Variants in RNF44 observed in about 807,000 individuals in gnomAD.
RNF44 encodes the protein ring finger protein 44.
RNF44 carries 25 observed loss-of-function variants against 53.6 expected under a neutral mutation model. That is an observed-to-expected ratio of 0.47 (90% CI 0.34 to 0.65). The LOEUF is 0.65. Among genes scored for constraint, RNF44 ranks in the 30% least tolerant of loss-of-function variants. RNF44 has a pLI of 0.01. For missense variants in RNF44, 581 were observed against 595.5 expected, an observed-to-expected ratio of 0.98 and a Z score of 0.25; for synonymous variants, 282 against 252.2, an observed-to-expected ratio of 1.12 and a Z score of -1.12.
At position 176,529,712 on chromosome 5, in the gene RNF44, G is replaced by C. The variant is rs1561843390; in HGVS notation, c.1014+19C>G. 6.2e-7 allele frequency: 1 copy of C among 1,610,748 alleles called. No homozygotes were observed. Among genetic ancestry groups the C allele is most frequent in the Non-Finnish European group, 8.5e-7 (1 of 1,178,364 alleles). ...CAGGTCTCCCAAACCCCACCTCCCA[G>C]CATGGGGCTCCATGGGACCTCATAG... On this transcript the variant is annotated intron_variant, in intron 8 of 10. Transcript: ENST00000274811.
Position 176,531,004 on chromosome 5 carries a change from G to A in RNF44, c.483C>T (p.Thr161=), listed in dbSNP as rs1756609991. The change falls in exon 5 of 11, where the codon ACC becomes ACT. Residue 161 remains threonine, a synonymous_variant. Transcript: ENST00000274811. The surrounding 1 kb of genome is among the most constrained non-coding windows in gnomAD (Gnocchi z 4.2). The part of the protein sequence containing the change: ...CLPPPLIQAC[T]MQQLPVPYQA... Reference sequence around the variant, plus strand: ...GATAGGGCACAGGCAGCTGCTGCATGGTGCACGCCTGGATAAGCTGCCAAG... The same window carrying A: ...GATAGGGCACAGGCAGCTGCTGCATAGTGCACGCCTGGATAAGCTGCCAAG... 1.4e-6 allele frequency: 2 copies of A among 1,446,480 alleles called. No homozygotes were observed. Among genetic ancestry groups the A allele is most frequent in the Admixed American group, 5.5e-5 (2 of 36,552 alleles). 89.6% of individuals were successfully genotyped at this position (1,446,480 alleles called of 1,614,324 possible).
At chr5:176,537,516 C>T (rs1313990185), upstream of RNF44, 1 of 152,206 alleles carries the variant, frequency 6.6e-6, no homozygotes, top group East Asian at 1.9e-4. Context: ...CTCCTCGCCC[C>T]CACCTTCGCA....
chr5:176,533,380 C>A (rs894458477), intron 1 of RNF44, among the ~76,000 whole-genome samples: 6 of 152,224 alleles, frequency 3.9e-5, no homozygotes, highest in African/African-American at 1.4e-4. Flanking sequence ...GAATGTATAG[C>A]TGGCCCATTT....
rs1482873949 is a variant in RNF44, at chr5:176,537,045, G to A, written c.-150C>T. 6.6e-6 allele frequency: 1 copy of A among 151,862 alleles called. No individual in the cohort carries two copies. Among genetic ancestry groups the A allele is most frequent in the Non-Finnish European group, 1.5e-5 (1 of 68,088 alleles). 9.4% of individuals were successfully genotyped at this position (151,862 alleles called of 1,614,324 possible). A position where few individuals can be genotyped will look rare whatever the true frequency, so the allele number is the denominator to read the frequency against. On this transcript the variant is annotated 5_prime_UTR_variant, in exon 1 of 11. Coordinates refer to ENST00000274811, the MANE Select transcript of RNF44 (RefSeq NM_014901.5). ...GGGTGCCTGTCTGGATCCTTTAAGA[G>A]CTCCCGCCCTGCGGAACAATGTGCT...
At position 176,527,838 on chromosome 5, in the gene RNF44, C is replaced by G. The variant is rs991012580; in HGVS notation, c.*1190G>C. The G allele has an allele frequency of 1.3e-5, 2 of 152,332 alleles. No individual in the cohort carries two copies. Among genetic ancestry groups the G allele is most frequent in the African/African-American group, 4.8e-5 (2 of 41,414 alleles). 9.4% of individuals were successfully genotyped at this position (152,332 alleles called of 1,614,324 possible). A position where few individuals can be genotyped will look rare whatever the true frequency, so the allele number is the denominator to read the frequency against. On this transcript the variant is annotated 3_prime_UTR_variant, in exon 11 of 11. Coordinates refer to ENST00000274811, the MANE Select transcript of RNF44 (RefSeq NM_014901.5). Reference sequence around the variant, plus strand: ...GAGGACAGGGATCAGGCTGGGAAGGCCCCCTGGAGATGGGGGTCCACAGCC... The same window carrying G: ...GAGGACAGGGATCAGGCTGGGAAGGGCCCCTGGAGATGGGGGTCCACAGCC...
rs1756713479 is a variant in RNF44 at position 176,531,998 on chromosome 5, G to A, written c.297+6C>T. 6.2e-7 allele frequency: 1 copy of A among 1,607,206 alleles called. No homozygotes were observed. The highest frequency in any genetic ancestry group is 8.5e-7 in the Non-Finnish European group (1 of 1,176,746). ...CCAGGGGCACAGGGGATGGGGTTCT[G>A]CCTACCTGCTCGTGGAGATCAACCA... On this transcript the variant is annotated splice_donor_region_variant and intron_variant, in intron 3 of 10. Coordinates refer to ENST00000274811, the MANE Select transcript of RNF44 (RefSeq NM_014901.5). This position sits in a 1 kb window ranked among gnomAD's most constrained non-coding sequence, Gnocchi z 4.2.
chr5:176,538,812 C>T (rs927817004), upstream of RNF44, among the ~76,000 whole-genome samples: 21 of 152,236 alleles, frequency 1.4e-4, no homozygotes, highest in Admixed American at 1.2e-3. Flanking sequence ...TATCAGGTTT[C>T]TTTAATTGGA....
At chr5:176,530,501 G>GCCTCCCAGCCGCCCC (rs1561845724) in intron 6 of RNF44, 81 bp downstream of exon 6, 1 of 1,308,852 alleles carries the variant, frequency 7.6e-7, no homozygotes, top group African/African-American at 1.6e-5. Flanking sequence ...CCAGCTGCCT[G>GCCTCCCAGCCGCCCC]GGAGCCCAGA....
rs1268150435 is a variant in RNF44, at chr5:176,528,232, A to G, written c.*796T>C. On this transcript the variant is annotated 3_prime_UTR_variant, in exon 11 of 11. Transcript: ENST00000274811. ...CTACACGTGATTTTGGGCCAAATGAATGAACAAAAACTGCTGCTCCTCACG... is the reference window on the plus strand; with the variant it reads ...CTACACGTGATTTTGGGCCAAATGAGTGAACAAAAACTGCTGCTCCTCACG... 1 of 152,288 alleles carries G rather than the reference A, an allele frequency of 6.6e-6. No individual in the cohort carries two copies. Among genetic ancestry groups the G allele is most frequent in the Non-Finnish European group, 1.5e-5 (1 of 68,068 alleles). 9.4% of individuals were successfully genotyped at this position (152,288 alleles called of 1,614,324 possible).
At chr5:176,541,931 C>T (rs1757456693), upstream of RNF44, among the ~76,000 whole-genome samples, 1 of 152,176 alleles carries the variant, frequency 6.6e-6, no homozygotes, top group South Asian at 2.1e-4. Flanking sequence ...GGGCCCAGAG[C>T]CTCACACACC....
the RNF44 span, chr5:176,543,433 G>C: frequency 6.6e-6 from 1 of 151,636 alleles, no homozygotes; most frequent in Non-Finnish European, 1.5e-5. The surrounding 1 kb of genome is among the most constrained non-coding windows in gnomAD (Gnocchi z 4.0). Flanking sequence ...GGCCCACACC[G>C]GCTGCGCAGC....
intron 1 of RNF44, chr5:176,535,873 G>C (rs1016227185): frequency 6.6e-6 from 1 of 152,192 alleles, no homozygotes; most frequent in African/African-American, 2.4e-5. Flanking sequence ...AACGGGTCTT[G>C]AGAGTCCCGT....
At chr5:176,530,765 C>T (rs777646817) in intron 5 of RNF44, 22 bp from the exon 6 acceptor site, 73 of 1,513,188 alleles carry the variant, frequency 4.8e-5, no homozygotes, top group Non-Finnish European at 6.3e-5. Context: ...AGCGCCGGGT[C>T]AGCAAGTCAG....
rs756018288 is a variant in RNF44, at chr5:176,529,412, C to T, written c.1137-25G>A. The T allele has an allele frequency of 1.1e-5, 17 of 1,605,470 alleles. No homozygotes were observed. In the African/African-American group the frequency reaches 1.5e-4, roughly 14 times the overall value. On this transcript the variant is annotated intron_variant, in intron 9 of 10. Transcript: ENST00000274811. ...CCTGTGGAGGGGCGCGGAGCGTCAC[C>T]TCCACGCTGAGGGCCATGGGAAGGC...
upstream of RNF44, among the ~76,000 whole-genome samples, chr5:176,538,192 G>T (rs1214689818): frequency 1.3e-5 from 2 of 152,206 alleles, no homozygotes; most frequent in Non-Finnish European, 2.9e-5. Flanking sequence ...AGAGTTTGGT[G>T]TCCCCGCGGA....
upstream of RNF44, among the ~76,000 whole-genome samples, chr5:176,540,207 A>G (rs542560449): frequency 6.6e-6 from 1 of 152,220 alleles, no homozygotes; most frequent in South Asian, 2.1e-4. Flanking sequence ...GGCTTTTTTA[A>G]GTGCGCAGAC....
rs1443777601 is a variant in RNF44, at chr5:176,529,392, G to A, written c.1137-5C>T. On this transcript the variant is annotated splice_region_variant and splice_polypyrimidine_tract_variant and intron_variant, in intron 9 of 10. Coordinates refer to ENST00000274811, the MANE Select transcript of RNF44 (RefSeq NM_014901.5). ...TCACTGAAGCAGACCACACACCTGTGGAGGGGCGCGGAGCGTCACCTCCAC... is the reference window on the plus strand; with the variant it reads ...TCACTGAAGCAGACCACACACCTGTAGAGGGGCGCGGAGCGTCACCTCCAC... 6.2e-7 allele frequency: 1 copy of A among 1,609,166 alleles called. No homozygotes were observed.
chr5:176,533,139 C>A (rs985587054), intron 1 of RNF44, among the ~76,000 whole-genome samples: 1 of 152,174 alleles, frequency 6.6e-6, no homozygotes, highest in Non-Finnish European at 1.5e-5. Context: ...GGCCTCCAGG[C>A]GGCAGCTGGG....
rs1561844908 is a variant in RNF44 at position 176,530,286 on chromosome 5, GT to G, written c.802-81del. 371 of 317,044 alleles carry G rather than the reference GT, an allele frequency of 1.2e-3. 34 individuals are homozygous for G. Among genetic ancestry groups the G allele is most frequent in the East Asian group, 4.0e-3 (53 of 13,214 alleles). The allele number at this position is 317,044 out of a possible 1,614,324, so 19.6% of individuals were successfully genotyped here. A position where few individuals can be genotyped will look rare whatever the true frequency, so the allele number is the denominator to read the frequency against. ...CGGAGCCCAGGTGCAAGTCAGCCCG[GT>G]GGGCCTGCCTCCCAGCCGCCCCGGA... is the stretch of plus-strand genomic sequence containing the variant. On this transcript the variant is annotated intron_variant, in intron 6 of 10. Transcript: ENST00000274811.
Sources: gnomAD v4.1 joint callset for allele counts (sites outside exome capture counted in the v4.1 genomes callset) on GRCh38, gnomAD v4.1.1 for gene constraint, Gnocchi (gnomAD v3.1) non-coding constraint, MANE v1.5 for transcripts, NCBI Gene and HGNC (gene_info 2026-07-23, HGNC 2026-07-21) for gene names.